Variants in SEMA5A observed in about 807,000 individuals in gnomAD.
SEMA5A encodes the protein semaphorin 5A.
SEMA5A carries 55 observed loss-of-function variants against 135.5 expected under a neutral mutation model. The observed-to-expected ratio is 0.41, with a 90% CI of 0.33 to 0.51. The LOEUF (loss-of-function observed/expected upper bound fraction) is 0.51. SEMA5A is among the 20% of genes least tolerant of loss of function. SEMA5A has a pLI of 0.37. For synonymous variants in SEMA5A, 580 were observed against 546.5 expected (o/e 1.06, Z -0.85); for missense variants, 1,290 against 1,419.9 (o/e 0.91, Z 1.47).
chr5:9,517,511 G>A (rs1736595462), intron 1 of SEMA5A: 1 of 152,182 alleles, frequency 6.6e-6, no homozygotes, highest in South Asian at 2.1e-4. Flanking sequence ...CCTTTAGGTT[G>A]GAGAATCAGT....
At position 9,132,859 on chromosome 5, in the gene SEMA5A, G is replaced by T. The variant is rs1469070413; in HGVS notation, c.1599+3645C>A. On this transcript the variant is annotated intron_variant, in intron 13 of 22. Transcript: ENST00000382496. ...TTTTACATGAGGTATAAAATATTTG[G>T]TCTCATTCAAAAATCCCTCAGCTTA... Among the ~76,000 whole-genome samples the T allele has an allele frequency of 2.0e-5, 3 of 152,244 alleles. No individual in the cohort carries two copies. In the South Asian group the frequency reaches 6.2e-4, roughly 32 times the overall value.
intron 10 of SEMA5A, among the ~76,000 whole-genome samples, chr5:9,196,248 T>C (rs1291510842): frequency 6.6e-6 from 1 of 152,102 alleles, no homozygotes; most frequent in Non-Finnish European, 1.5e-5. Context: ...TATATGGAGA[T>C]GGGGTCTTAA....
At chr5:9,066,854 C>T (rs573390814) in intron 16 of SEMA5A, among the ~76,000 whole-genome samples, 2 of 152,266 alleles carry the variant, frequency 1.3e-5, no homozygotes, top group African/African-American at 2.4e-5. Flanking sequence ...AAAGGAATCC[C>T]CACAGTCTCT....
chr5:9,375,217 G>C (rs927301530), intron 3 of SEMA5A, among the ~76,000 whole-genome samples: 1 of 152,118 alleles, frequency 6.6e-6, no homozygotes, highest in African/African-American at 2.4e-5. Flanking sequence ...CCTCCCAAAA[G>C]ATATACTGAA....
chr5:9,408,453 G>T (rs1339456437), intron 2 of SEMA5A, among the ~76,000 whole-genome samples: 1 of 152,114 alleles, frequency 6.6e-6, no homozygotes, highest in East Asian at 1.9e-4. Flanking sequence ...AACTTATTAA[G>T]TCAAACTTGA....
chr5:9,119,865 TG>T (rs1740715193), intron 14 of SEMA5A, among the ~76,000 whole-genome samples: 1 of 152,192 alleles, frequency 6.6e-6, no homozygotes, highest in South Asian at 2.1e-4. Context: ...ACTAACCATG[TG>T]TATTTATGTT....
At chr5:9,237,775 T>C in intron 6 of SEMA5A, 53 bp downstream of exon 6, 2 of 1,507,616 alleles carry the variant, frequency 1.3e-6, no homozygotes, top group Non-Finnish European at 9.2e-7. Flanking sequence ...CTTTATATAG[T>C]GTAGAGTCCT....
chr5:9,425,909 G>T (rs1312346624), intron 2 of SEMA5A, among the ~76,000 whole-genome samples: 5 of 152,148 alleles, frequency 3.3e-5, no homozygotes, highest in Non-Finnish European at 7.3e-5. Context: ...CATGCAGGAG[G>T]CCTCAGCATG....
chr5:9,202,057 T>A lies in SEMA5A; in HGVS notation c.830A>T (p.Asn277Ile). Residue 277 changes from asparagine to isoleucine, a missense_variant, in exon 9 of 23, where the codon AAC becomes ATC. Physicochemically the swap from Asn to Ile is moderately radical, Grantham distance 149 (BLOSUM62 -3). Coordinates refer to ENST00000382496, the MANE Select transcript of SEMA5A (RefSeq NM_003966.3). ...GGGGACTTCCCCAGGACGGGAGCAG[T>A]TCAGGCGAGCCTTCATGAATGTGGT... The part of the protein sequence containing the change: ...TWTTFMKARL[N>I]CSRPGEVPFY... 1 of 1,614,148 alleles carries A rather than the reference T, an allele frequency of 6.2e-7. No individual in the cohort carries two copies. The highest frequency in any genetic ancestry group is 8.5e-7 in the Non-Finnish European group (1 of 1,180,028).
chr5:9,332,468 G>T (rs1579360203), intron 4 of SEMA5A, among the ~76,000 whole-genome samples: 1 of 150,464 alleles, frequency 6.6e-6, no homozygotes, highest in African/African-American at 2.4e-5. Flanking sequence ...GAGGCATGCA[G>T]CTATAGGCTG....
At chr5:9,381,453 G>A (rs544694293) in intron 2 of SEMA5A, among the ~76,000 whole-genome samples, 6 of 152,124 alleles carry the variant, frequency 3.9e-5, no homozygotes, top group African/African-American at 7.2e-5. Context: ...TGCTCTGCTC[G>A]CTCTGCTCAT....
At chr5:9,123,408 A>AGAT (rs1193322403) in intron 13 of SEMA5A, among the ~76,000 whole-genome samples, 1 of 150,872 alleles carries the variant, frequency 6.6e-6, no homozygotes, top group Non-Finnish European at 1.5e-5. Context: ...AAGAAGAGGA[A>AGAT]GATGAAGAAG....
At chr5:9,395,213 C>G (rs989612176) in intron 2 of SEMA5A, among the ~76,000 whole-genome samples, 2 of 152,062 alleles carry the variant, frequency 1.3e-5, no homozygotes, top group African/African-American at 4.8e-5. Context: ...AGGTATAAGA[C>G]AGCAGAAAAC....
At chr5:9,346,240 C>T (rs1753860940) in intron 3 of SEMA5A, among the ~76,000 whole-genome samples, 3 of 147,656 alleles carry the variant, frequency 2.0e-5, no homozygotes, top group Non-Finnish European at 4.6e-5. Flanking sequence ...AAGAATCTGG[C>T]CAGAGATGTC....
intron 3 of SEMA5A, among the ~76,000 whole-genome samples, chr5:9,369,267 A>G (rs1755037414): frequency 6.6e-6 from 1 of 152,150 alleles, no homozygotes; most frequent in African/African-American, 2.4e-5. Context: ...TATGTCAAAT[A>G]TTTTGCAAAT....
intron 1 of SEMA5A, among the ~76,000 whole-genome samples, chr5:9,481,224 G>C (rs932661869): frequency 4.4e-4 from 67 of 152,138 alleles, no homozygotes; most frequent in African/African-American, 1.6e-3. Context: ...GGGATTATAG[G>C]CATGAGCCAC....
At chr5:9,288,794 G>A (rs1750925539) in intron 5 of SEMA5A, among the ~76,000 whole-genome samples, 1 of 152,128 alleles carries the variant, frequency 6.6e-6, no homozygotes, top group African/African-American at 2.4e-5. Context: ...GTAAGATTAA[G>A]CCCACAGTAG....
intron 1 of SEMA5A, among the ~76,000 whole-genome samples, chr5:9,438,240 C>CT (rs3842077): frequency 9.9e-4 from 150 of 151,976 alleles, no homozygotes; most frequent in Non-Finnish European, 2.0e-3. Flanking sequence ...ACTCATTCCA[C>CT]TTTTTGGAAC....
At chr5:9,444,370 GCCAT>G (rs1758351704) in intron 1 of SEMA5A, among the ~76,000 whole-genome samples, 1 of 151,914 alleles carries the variant, frequency 6.6e-6, no homozygotes, top group Non-Finnish European at 1.5e-5. Flanking sequence ...GTCCCCAAAG[GCCAT>G]TGTGTAATTC....
Sources: gnomAD v4.1 joint callset for allele counts (sites outside exome capture counted in the v4.1 genomes callset) on GRCh38, gnomAD v4.1.1 for gene constraint, MANE v1.5 for transcripts, NCBI Gene and HGNC (gene_info 2026-07-23, HGNC 2026-07-21) for gene names.